The following TEK variants were observed in gnomAD, a reference collection of about 807,000 sequenced individuals.
TEK encodes the protein TEK receptor tyrosine kinase, also known as angiopoietin-1 receptor.
TEK carries 43 observed loss-of-function variants against 131.8 expected under a neutral mutation model. The ratio of observed to expected loss-of-function variants is 0.33; its 90% CI spans 0.26 to 0.42. TEK has a LOEUF of 0.42. Among genes scored for constraint, TEK ranks in the 10% least tolerant of loss-of-function variants. The pLI, the probability that TEK is intolerant of heterozygous loss-of-function variation, is 1.00. For synonymous variants in TEK, 580 were observed against 491.6 expected (o/e 1.18, Z -2.38); for missense variants, 1,162 against 1,384.4 (o/e 0.84, Z 2.55).
chr9:27,119,899 G>GTGTA (rs1352854707), intron 1 of TEK, among the ~76,000 whole-genome samples: 1 of 151,910 alleles, frequency 6.6e-6, no homozygotes, highest in Non-Finnish European at 1.5e-5. Context: ...GCGTGTGTGT[G>GTGTA]TGTGCATGTG....
chr9:27,167,093 A>G (rs1379850399), intron 2 of TEK, among the ~76,000 whole-genome samples: 1 of 152,248 alleles, frequency 6.6e-6, no homozygotes, highest in East Asian at 1.9e-4. Flanking sequence ...AGTTAAGGGA[A>G]TTCAGAAACT....
At position 27,213,612 on chromosome 9, in the gene TEK, C is replaced by T. The variant is rs1462571587; in HGVS notation, c.2991+15C>T. ...AAAAGACAATGGTAAGTGCCAGACACAGACACTGATCGCATCCTTTCCGAG... is the reference window on the plus strand; with the variant it reads ...AAAAGACAATGGTAAGTGCCAGACATAGACACTGATCGCATCCTTTCCGAG... On this transcript the variant is annotated intron_variant, in intron 18 of 22. Transcript: ENST00000380036. 6 of 1,584,512 alleles carry T rather than the reference C, an allele frequency of 3.8e-6. No homozygotes were observed. The African/African-American group carries it at 5.4e-5, about 14-fold the overall frequency.
intron 1 of TEK, among the ~76,000 whole-genome samples, chr9:27,123,899 C>T (rs1187799277): frequency 1.3e-5 from 2 of 152,236 alleles, no homozygotes; most frequent in East Asian, 3.8e-4. Flanking sequence ...GCCTCACCCT[C>T]CTGAGTAATT....
chr9:27,210,647 C>G (rs1256418219), intron 16 of TEK: 1 of 152,408 alleles, frequency 6.6e-6, no homozygotes, highest in Non-Finnish European at 1.5e-5. Flanking sequence ...TTGTTTTATT[C>G]TGAGGACAAT....
intron 22 of TEK, 42 bp from the exon 23 acceptor site, chr9:27,229,116 A>G: frequency 6.3e-7 from 1 of 1,597,272 alleles, no homozygotes; most frequent in Non-Finnish European, 8.6e-7. Context: ...CAGAGGTGGA[A>G]TCAAAGCAGC....
intron 1 of TEK, among the ~76,000 whole-genome samples, chr9:27,133,149 G>T (rs189402342): frequency 1.1e-4 from 16 of 152,224 alleles, no homozygotes; most frequent in African/African-American, 3.6e-4. Flanking sequence ...CTTTTCTCCG[G>T]ACCTCCTCTC....
In TEK at chr9:27,137,744, A is replaced by G. The variant is rs1478521086; in HGVS notation, c.53-20087A>G. On this transcript the variant is annotated intron_variant, in intron 1 of 22. Transcript: ENST00000380036. ...AGATCCCAGAGGCTCACTATTGTGA[A>G]TTCTACCCACACCTAAGAACATCTT... Among the ~76,000 whole-genome samples, 7 of 152,228 alleles carry G rather than the reference A, an allele frequency of 4.6e-5. No individual in the cohort carries two copies. The East Asian group carries it at 7.7e-4, about 17-fold the overall frequency.
At chr9:27,222,480 CACAAA>C (rs1826125009) in intron 21 of TEK, among the ~76,000 whole-genome samples, 1 of 152,148 alleles carries the variant, frequency 6.6e-6, no homozygotes, top group South Asian at 2.1e-4. Context: ...TCAGGTTACC[CACAAA>C]GGGAAGCCAA....
chr9:27,168,624 GCTTTCCCCAGTATGATGTGAGA>G lies in TEK; in HGVS notation c.475+20_475+41del, dbSNP rs781628296. 140 of 1,501,290 alleles carry G rather than the reference GCTTTCCCCAGTATGATGTGAGA, an allele frequency of 9.3e-5. No homozygotes were observed. Among genetic ancestry groups the G allele is most frequent in the Non-Finnish European group, 1.1e-4 (114 of 1,079,486 alleles). 93.0% of individuals were successfully genotyped at this position (1,501,290 alleles called of 1,614,324 possible). The stretch of plus-strand genomic sequence containing the variant: ...AAAAATGGTGAGTATGTGTTTCATT[GCTTTCCCCAGTATGATGTGAGA>G]TATCAGATAACATACAACATATTGA... On this transcript the variant is annotated intron_variant, in intron 3 of 22. Transcript: ENST00000380036.
rs566760114 is a variant in TEK, at chr9:27,221,459, C to T, written c.3200+1314C>T. Among the ~76,000 whole-genome samples the T allele has an allele frequency of 2.6e-3, 309 of 117,066 alleles. 1 individual carries two copies. The highest frequency in any genetic ancestry group is 7.4e-3 in the African/African-American group (270 of 36,540). The allele number at this position is 117,066 out of a possible 152,430, so 76.8% of individuals were successfully genotyped here. On this transcript the variant is annotated intron_variant, in intron 21 of 22. Transcript: ENST00000380036. The stretch of plus-strand genomic sequence containing the variant: ...TGCCTCCTCATGTGGGTCCCTGACC[C>T]GACCCCTGTGCTCCCTGACTGGGAG...
intron 1 of TEK, among the ~76,000 whole-genome samples, chr9:27,135,848 AC>A (rs1364789018): frequency 6.6e-6 from 1 of 152,140 alleles, no homozygotes; most frequent in East Asian, 1.9e-4. Flanking sequence ...TTAAAACATC[AC>A]CATGATGAAG....
At chr9:27,191,790 T>C in intron 10 of TEK, 1 of 369,704 alleles carries the variant, frequency 2.7e-6, no homozygotes, top group East Asian at 7.4e-5. Context: ...TGCTGTCATA[T>C]GGTGGTAATA....
At chr9:27,204,888 T>G (rs375054175) in intron 13 of TEK, 23 bp from the exon 14 acceptor site, 26 of 1,613,326 alleles carry the variant, frequency 1.6e-5, no homozygotes, top group Non-Finnish European at 2.2e-5. Flanking sequence ...AACTACCTGC[T>G]TCACCTCTGT....
Position 27,213,971 on chromosome 9 carries a change from C to G in TEK, c.2991+374C>G, listed in dbSNP as rs566387363. ...GCAAGGAAAAAAATTAACATATTTT[C>G]CAAAAGTCAAGAAGACAAACTAAAT... On this transcript the variant is annotated intron_variant, in intron 18 of 22. Transcript: ENST00000380036. Among the ~76,000 whole-genome samples, 5 of 152,254 alleles carry G rather than the reference C, an allele frequency of 3.3e-5. No homozygotes were observed. In the South Asian group the frequency reaches 1.0e-3, roughly 32 times the overall value.
At chr9:27,190,738 G>T (rs769338301) in intron 10 of TEK, 48 bp downstream of exon 10, 8 of 1,609,920 alleles carry the variant, frequency 5.0e-6, no homozygotes, top group Non-Finnish European at 6.8e-6. Flanking sequence ...GGCACCAGGA[G>T]AATTATTTTT....
At chr9:27,204,781 A>G (rs1321264792) in intron 13 of TEK, 130 bp from the exon 14 acceptor site, 3 of 1,179,398 alleles carry the variant, frequency 2.5e-6, no homozygotes, top group South Asian at 1.2e-5. Flanking sequence ...CCGAGGTCAT[A>G]TAGTGGTTAG....
At chr9:27,170,145 T>C (rs190867984) in intron 4 of TEK, among the ~76,000 whole-genome samples, 10 of 152,134 alleles carry the variant, frequency 6.6e-5, no homozygotes, top group African/African-American at 2.4e-4. Flanking sequence ...AACCATCAAA[T>C]CTCATGAGAA....
chr9:27,179,861 G>T (rs1587558418), intron 6 of TEK, among the ~76,000 whole-genome samples: 1 of 152,132 alleles, frequency 6.6e-6, no homozygotes. Context: ...TCCATACGTG[G>T]TGTCAACTGT....
At chr9:27,120,246 T>C (rs1045064393) in intron 1 of TEK, among the ~76,000 whole-genome samples, 1 of 152,222 alleles carries the variant, frequency 6.6e-6, no homozygotes, top group Non-Finnish European at 1.5e-5. Flanking sequence ...ACCAGACTCT[T>C]TGCAGTTTCC....
Sources: gnomAD v4.1 joint callset for allele counts (sites outside exome capture counted in the v4.1 genomes callset) on GRCh38, gnomAD v4.1.1 for gene constraint, MANE v1.5 for transcripts, NCBI Gene and HGNC (gene_info 2026-07-23, HGNC 2026-07-21) for gene names.